The following SUSD4 variants were observed in gnomAD, a reference collection of about 807,000 sequenced individuals.
The protein encoded by SUSD4 is sushi domain-containing protein 4.
SUSD4 carries 41 observed loss-of-function variants against 50.5 expected under a neutral mutation model. That is an observed-to-expected ratio of 0.81 (90% confidence interval 0.63 to 1.05). The LOEUF is 1.05. Ranked by LOEUF, SUSD4 falls within the 50% of genes least tolerant of loss-of-function variation. The pLI, the probability that SUSD4 is intolerant of heterozygous loss-of-function variation, is 0.00. For missense variants in SUSD4, 580 were observed against 634.7 expected, an observed-to-expected ratio of 0.91 and a Z score of 0.93; for synonymous variants, 257 against 257.3, an observed-to-expected ratio of 1.00 and a Z score of 0.01.
At chr1:223,360,285 A>G (rs1317752750) in intron 2 of SUSD4, 1 of 469,344 alleles carries the variant, frequency 2.1e-6, no homozygotes, top group Middle Eastern at 3.3e-4. Context: ...CATCCCTCAA[A>G]GCCCAGCAGG....
At chr1:223,321,895 T>A (rs1572057793) in intron 2 of SUSD4, among the ~76,000 whole-genome samples, 1 of 152,330 alleles carries the variant, frequency 6.6e-6, no homozygotes, top group East Asian at 1.9e-4. Context: ...ACGGGTAGAG[T>A]ATCTCTTATC....
chr1:223,352,535 CGA>C (rs1470503113), intron 2 of SUSD4, among the ~76,000 whole-genome samples: 14 of 152,088 alleles, frequency 9.2e-5, no homozygotes, highest in African/African-American at 3.1e-4. Flanking sequence ...GGTCTGGGGC[CGA>C]GAAGAGGCTG....
intron 2 of SUSD4, among the ~76,000 whole-genome samples, chr1:223,303,075 G>A (rs1162765991): frequency 6.6e-6 from 1 of 152,128 alleles, no homozygotes; most frequent in African/African-American, 2.4e-5. Flanking sequence ...TTGAGCCCAG[G>A]AGTTCGAGGC....
intron 2 of SUSD4, among the ~76,000 whole-genome samples, chr1:223,317,687 C>A (rs888577763): frequency 6.6e-6 from 1 of 152,072 alleles, no homozygotes; most frequent in Non-Finnish European, 1.5e-5. Context: ...GTTCATATTT[C>A]TCTTTTACTC....
At chr1:223,257,738 CT>C (rs35417280) in intron 5 of SUSD4, among the ~76,000 whole-genome samples, 6,477 of 152,274 alleles carry the variant, frequency 0.043, 461 homozygotes, top group African/African-American at 0.14. Flanking sequence ...CGAGCTCATG[CT>C]TTCTTATTGT....
intron 5 of SUSD4, among the ~76,000 whole-genome samples, chr1:223,251,241 A>C (rs1170114271): frequency 6.6e-6 from 1 of 152,228 alleles, no homozygotes; most frequent in Non-Finnish European, 1.5e-5. Flanking sequence ...TGGCTCCATC[A>C]TCTGCTTCTG....
At chr1:223,302,940 C>A (rs947148858) in intron 2 of SUSD4, among the ~76,000 whole-genome samples, 1 of 151,986 alleles carries the variant, frequency 6.6e-6, no homozygotes. Flanking sequence ...GAGTTTCAGA[C>A]CAGCCTCGGC....
At chr1:223,282,662 G>T (rs1663829928) in intron 3 of SUSD4, among the ~76,000 whole-genome samples, 1 of 152,164 alleles carries the variant, frequency 6.6e-6, no homozygotes, top group African/African-American at 2.4e-5. Context: ...TGGCCATACT[G>T]CCCAAGGTAA....
intron 2 of SUSD4, among the ~76,000 whole-genome samples, chr1:223,312,870 A>G (rs1306674155): frequency 6.6e-6 from 1 of 152,166 alleles, no homozygotes; most frequent in Non-Finnish European, 1.5e-5. Flanking sequence ...CCAGCGTAGG[A>G]ACACAGTGAT....
intron 7 of SUSD4, among the ~76,000 whole-genome samples, chr1:223,224,742 G>A (rs1659383776): frequency 6.6e-6 from 1 of 152,066 alleles, no homozygotes; most frequent in African/African-American, 2.4e-5. Flanking sequence ...AACACTGCCT[G>A]ATTGGAGCCC....
chr1:223,281,045 C>G (rs896005366), intron 3 of SUSD4, among the ~76,000 whole-genome samples: 4 of 152,194 alleles, frequency 2.6e-5, no homozygotes, highest in Admixed American at 1.3e-4. Context: ...CCAATGAGAA[C>G]AAAGACACAA....
chr1:223,300,955 T>A (rs1056663742), intron 2 of SUSD4, among the ~76,000 whole-genome samples: 26 of 152,168 alleles, frequency 1.7e-4, no homozygotes, highest in African/African-American at 6.3e-4. Context: ...ATGAAAGGTG[T>A]GAAAAGCAAT....
intron 5 of SUSD4, among the ~76,000 whole-genome samples, chr1:223,242,532 C>CT (rs1660651745): frequency 6.6e-6 from 1 of 152,234 alleles, no homozygotes; most frequent in Non-Finnish European, 1.5e-5. Context: ...GGAATTTCTA[C>CT]TTGTCCCTCA....
chr1:223,308,142 T>G (rs115893765), intron 2 of SUSD4, among the ~76,000 whole-genome samples: 3,468 of 152,306 alleles, frequency 0.023, 58 homozygotes, highest in Non-Finnish European at 0.035. Flanking sequence ...TGATATGGTT[T>G]GGATCTGTGT....
At chr1:223,353,375 C>G (rs745992059) in intron 2 of SUSD4, among the ~76,000 whole-genome samples, 2 of 152,170 alleles carry the variant, frequency 1.3e-5, no homozygotes, top group Non-Finnish European at 2.9e-5. Flanking sequence ...TCCCTCCAGA[C>G]GCTCAATAAT....
chr1:223,262,919 A>G (rs1253092343), intron 5 of SUSD4, among the ~76,000 whole-genome samples: 1 of 152,238 alleles, frequency 6.6e-6, no homozygotes, highest in African/African-American at 2.4e-5. Flanking sequence ...ATGTTAGGCC[A>G]GAAGACTCAT....
chr1:223,293,747 G>A (rs987225641), intron 2 of SUSD4, among the ~76,000 whole-genome samples: 8 of 151,900 alleles, frequency 5.3e-5, no homozygotes, highest in South Asian at 2.1e-4. Flanking sequence ...GGATGAATGC[G>A]GACAAGCAAA....
chr1:223,261,334 T>C (rs1233764723), intron 5 of SUSD4, among the ~76,000 whole-genome samples: 3 of 152,182 alleles, frequency 2.0e-5, no homozygotes, highest in Non-Finnish European at 4.4e-5. Context: ...AATCAGAACA[T>C]GTTAAATAGA....
intron 5 of SUSD4, among the ~76,000 whole-genome samples, chr1:223,257,142 C>G (rs115619498): frequency 4.9e-4 from 74 of 152,256 alleles, no homozygotes; most frequent in African/African-American, 1.6e-3. Flanking sequence ...GAACAAGGTG[C>G]TTTCTGCCAT....
Sources: gnomAD v4.1 joint callset for allele counts (sites outside exome capture counted in the v4.1 genomes callset) on GRCh38, gnomAD v4.1.1 for gene constraint, MANE v1.5 for transcripts, NCBI Gene and HGNC (gene_info 2026-07-23, HGNC 2026-07-21) for gene names.